Variants in NFATC2IP observed in about 807,000 individuals in gnomAD.
The protein encoded by NFATC2IP is nuclear factor of activated T cells 2 interacting protein.
Under a neutral mutation model 40.2 loss-of-function variants are expected in NFATC2IP, and 25 were observed. The ratio of observed to expected loss-of-function variants is 0.62; its 90% confidence interval spans 0.45 to 0.87. The LOEUF is 0.87. Among genes scored for constraint, NFATC2IP ranks in the 40% least tolerant of loss-of-function variants. NFATC2IP has a pLI of 0.00. For synonymous variants in NFATC2IP, 241 were observed against 236.3 expected (o/e 1.02, Z -0.18); for missense variants, 553 against 555.6 (o/e 1.00, Z 0.05).
rs1567515108 is a variant in NFATC2IP, at chr16:28,964,029, T to G, written c.*166T>G. 1.5e-5 allele frequency: 10 copies of G among 650,916 alleles called. No individual in the cohort carries two copies. Among genetic ancestry groups the G allele is most frequent in the South Asian group, 1.4e-4 (7 of 51,012 alleles). The allele number at this position is 650,916 out of a possible 1,614,324, so 40.3% of individuals were successfully genotyped here. A position where few individuals can be genotyped will look rare whatever the true frequency, so the allele number is the denominator to read the frequency against. ...TCCTGTTGACCCTGGTTTAGAGCCG[T>G]TAACCACTTGGTGAGTTATGTGGGT... On this transcript the variant is annotated 3_prime_UTR_variant, in exon 8 of 8. Coordinates refer to ENST00000320805, the MANE Select transcript of NFATC2IP (RefSeq NM_032815.4).
chr16:28,956,579 A>G, intron 5 of NFATC2IP: 1 of 515,462 alleles, frequency 1.9e-6, no homozygotes, highest in Non-Finnish European at 3.4e-6. Flanking sequence ...GCTCCTCATA[A>G]GCATCCTGTG....
In NFATC2IP at chr16:28,958,789, C is replaced by A. The variant is rs1330738009; in HGVS notation, c.919C>A (p.Leu307Ile). The A allele has an allele frequency of 6.2e-7, 1 of 1,614,036 alleles. No homozygotes were observed. The highest frequency in any genetic ancestry group is 1.7e-5 in the Admixed American group (1 of 60,010). Residue 307 changes from leucine to isoleucine, a missense_variant, in exon 6 of 8, where the codon CTT (leucine) becomes ATT (isoleucine). Coordinates refer to ENST00000320805, the MANE Select transcript of NFATC2IP (RefSeq NM_032815.4). The stretch of plus-strand genomic sequence containing the variant: ...GGTGTCCCCAAGCAGGATCCTTTTG[C>A]TTTTTGGAGAGACAGAGCTATCACC... ...LGVSPSRILL[L>I]FGETELSPTA... is the part of the protein sequence containing the mutation.
chr16:28,959,149 C>A, intron 7 of NFATC2IP, 49 bp downstream of exon 7: 1 of 1,143,296 alleles, frequency 8.7e-7, no homozygotes, highest in Non-Finnish European at 1.3e-6. Flanking sequence ...TCCTCTGCTG[C>A]CTCTTGTCTC....
At chr16:28,956,361 G>A (rs770478475) in intron 5 of NFATC2IP, 24 bp downstream of exon 5, 1 of 1,595,222 alleles carries the variant, frequency 6.3e-7, no homozygotes. Context: ...GCCCATGGGA[G>A]AAGGACCCAG....
chr16:28,951,452 A>G (rs1596726142), intron 1 of NFATC2IP, 54 bp downstream of exon 1: 6 of 1,346,002 alleles, frequency 4.5e-6, no homozygotes, highest in Non-Finnish European at 5.7e-6. Context: ...CTTGGCCTCC[A>G]GGGAGGGGCC....
In NFATC2IP at chr16:28,966,262, G is replaced by C. The variant is rs1329364727; in HGVS notation, c.*2399G>C. The stretch of plus-strand genomic sequence containing the variant: ...CCGGGGTGACACCTTGGCTGCATCT[G>C]TTCTCAACAGTCAGACACTTCTTCT... On this transcript the variant is annotated 3_prime_UTR_variant, in exon 8 of 8. Transcript: ENST00000320805. The C allele has an allele frequency of 6.6e-6, 1 of 152,244 alleles. No homozygotes were observed. Among genetic ancestry groups the C allele is most frequent in the East Asian group, 1.9e-4 (1 of 5,314 alleles). The allele number at this position is 152,244 out of a possible 1,614,324, so 9.4% of individuals were successfully genotyped here.
chr16:28,951,442 C>A (rs1268237795), intron 1 of NFATC2IP, 44 bp downstream of exon 1: 1 of 1,352,328 alleles, frequency 7.4e-7, no homozygotes, highest in Admixed American at 3.6e-5. Context: ...GGGCCAAGGG[C>A]TTGGCCTCCA....
chr16:28,952,216 C>G lies in NFATC2IP; in HGVS notation c.460+12C>G, dbSNP rs200269561. Reference sequence around the variant, plus strand: ...AGGGGATGAGGAAGGTAAGGGAGGGCCTCCAGGGAGAGGCACGCAGCCGCT... The same window carrying G: ...AGGGGATGAGGAAGGTAAGGGAGGGGCTCCAGGGAGAGGCACGCAGCCGCT... On this transcript the variant is annotated intron_variant, in intron 2 of 7. Coordinates refer to ENST00000320805, the MANE Select transcript of NFATC2IP (RefSeq NM_032815.4). 6.8e-6 allele frequency: 11 copies of G among 1,613,352 alleles called. No homozygotes were observed. Among genetic ancestry groups the G allele is most frequent in the Non-Finnish European group, 2.5e-6 (3 of 1,179,690 alleles).
chr16:28,960,157 G>A (rs941550953), intron 7 of NFATC2IP, among the ~76,000 whole-genome samples: 3 of 152,162 alleles, frequency 2.0e-5, no homozygotes, highest in Non-Finnish European at 4.4e-5. Context: ...TTCTTGGAAA[G>A]ACATAGGTCA....
In NFATC2IP at chr16:28,963,811, T is replaced by C. The variant is rs1206703829; in HGVS notation, c.1208T>C (p.Leu403Pro). The C allele has an allele frequency of 6.2e-7, 1 of 1,614,230 alleles. No homozygotes were observed. Among genetic ancestry groups the C allele is most frequent in the Non-Finnish European group, 8.5e-7 (1 of 1,180,032 alleles). ...GGGACAAAGCTTTCAGGCAGGGAGC[T>C]GCCAGCTGACCTGGGCATGGAATCT... ...FDGTKLSGRE[L>P]PADLGMESGD... The change falls in exon 8 of 8, where the codon CTG (leucine) becomes CCG (proline). Residue 403 changes from leucine to proline, a missense_variant. By Grantham distance (98) the Leu-to-Pro change is moderately conservative. Coordinates refer to ENST00000320805, the MANE Select transcript of NFATC2IP (RefSeq NM_032815.4).
chr16:28,958,185 C>T (rs914229351), intron 5 of NFATC2IP, among the ~76,000 whole-genome samples: 7 of 151,780 alleles, frequency 4.6e-5, no homozygotes, highest in African/African-American at 1.7e-4. Flanking sequence ...TGCGGTGGCT[C>T]ACACCTGTTA....
In NFATC2IP at chr16:28,963,799, C is replaced by G; in HGVS notation, c.1196C>G (p.Ser399Ter). Residue 399 changes from serine (S) to a stop codon, truncating the protein, a stop_gained, in exon 8 of 8, where the codon TCA (serine) becomes TGA (stop). Coordinates refer to ENST00000320805, the MANE Select transcript of NFATC2IP (RefSeq NM_032815.4). LOFTEE classifies it high-confidence loss of function. The part of the protein sequence containing the change: ...LSFFFDGTKL[S>*]GRELPADLGM... ...TTCTTCTTTGATGGGACAAAGCTTT[C>G]AGGCAGGGAGCTGCCAGCTGACCTG... 1 of 1,614,220 alleles carries G rather than the reference C, an allele frequency of 6.2e-7. No individual in the cohort carries two copies.
intron 7 of NFATC2IP, among the ~76,000 whole-genome samples, chr16:28,962,106 A>G (rs1033575038): frequency 6.6e-6 from 1 of 151,308 alleles, no homozygotes; most frequent in African/African-American, 2.4e-5. Context: ...GGGTCTCACT[A>G]TGTTGCCCAG....
chr16:28,963,613 C>A (rs2141649755), intron 7 of NFATC2IP, 92 bp from the exon 8 acceptor site: 1 of 1,152,196 alleles, frequency 8.7e-7, no homozygotes, highest in East Asian at 2.4e-5. Flanking sequence ...GCCCCTGCCG[C>A]CATCCTCCCT....
At chr16:28,953,754 C>T (rs1964990449) in intron 2 of NFATC2IP, among the ~76,000 whole-genome samples, 1 of 151,852 alleles carries the variant, frequency 6.6e-6, no homozygotes, top group African/African-American at 2.4e-5. Context: ...CCTGTTTCTA[C>T]AGAAAAATAA....
At chr16:28,961,701 C>G (rs1808722176) in intron 7 of NFATC2IP, among the ~76,000 whole-genome samples, 1 of 151,884 alleles carries the variant, frequency 6.6e-6, no homozygotes, top group South Asian at 2.1e-4. Flanking sequence ...GAGTTCAAGA[C>G]CAGTCTGATC....
Position 28,966,880 on chromosome 16 carries a change from T to G in NFATC2IP, c.*3017T>G, listed in dbSNP as rs542271149. The G allele has an allele frequency of 6.6e-6, 1 of 152,292 alleles. No homozygotes were observed. The highest frequency in any genetic ancestry group is 2.1e-4 in the South Asian group (1 of 4,828). The allele number at this position is 152,292 out of a possible 1,614,324, so 9.4% of individuals were successfully genotyped here. On this transcript the variant is annotated 3_prime_UTR_variant, in exon 8 of 8. Transcript: ENST00000320805. ...TCTACTAAAAAAAAAGCCATTAACC[T>G]TTCTCTAATATTTGCATGATTCTAA...
intron 7 of NFATC2IP, among the ~76,000 whole-genome samples, chr16:28,963,461 C>T (rs1195393147): frequency 2.0e-5 from 3 of 152,162 alleles, no homozygotes; most frequent in South Asian, 2.1e-4. Flanking sequence ...GCCTTGGGCT[C>T]GTGGCCCCCG....
chr16:28,951,823 G>A (rs1964970425), intron 1 of NFATC2IP, among the ~76,000 whole-genome samples: 1 of 152,092 alleles, frequency 6.6e-6, no homozygotes, highest in Non-Finnish European at 1.5e-5. Flanking sequence ...GGGGTCCCCC[G>A]ATGGTCGTGT....
Sources: gnomAD v4.1 joint callset for allele counts (sites outside exome capture counted in the v4.1 genomes callset) on GRCh38, gnomAD v4.1.1 for gene constraint, MANE v1.5 for transcripts, NCBI Gene and HGNC (gene_info 2026-07-23, HGNC 2026-07-21) for gene names.